Variants in MAN2A1 observed in about 807,000 individuals in gnomAD.
MAN2A1 encodes the protein alpha-mannosidase 2.
MAN2A1 carries 76 observed loss-of-function variants against 142.6 expected under a neutral mutation model. The ratio of observed to expected loss-of-function variants is 0.53; its 90% CI spans 0.44 to 0.65. MAN2A1 has a LOEUF of 0.65. MAN2A1 is among the 30% of genes least tolerant of loss of function. MAN2A1 has a pLI of 0.00. For missense variants in MAN2A1, 1,311 were observed against 1,365.1 expected (o/e 0.96, Z 0.62); for synonymous variants, 559 against 473.2 (o/e 1.18, Z -2.35).
At chr5:109,817,936 A>C (rs962474589) in intron 13 of MAN2A1, among the ~76,000 whole-genome samples, 2 of 152,170 alleles carry the variant, frequency 1.3e-5, no homozygotes, top group Admixed American at 1.3e-4. Flanking sequence ...TAATTGTGGA[A>C]AATCTGTGCT....
chr5:109,858,722 C>T (rs532909499), intron 20 of MAN2A1, among the ~76,000 whole-genome samples: 5 of 152,348 alleles, frequency 3.3e-5, no homozygotes, highest in Admixed American at 1.3e-4. Context: ...ATGATAAGGA[C>T]GCATGTCTTC....
chr5:109,726,478 T>A (rs1751748938), intron 3 of MAN2A1, among the ~76,000 whole-genome samples: 1 of 152,210 alleles, frequency 6.6e-6, no homozygotes, highest in African/African-American at 2.4e-5. Context: ...GATATCAGTA[T>A]GAGTTTTATG....
At chr5:109,808,852 C>T (rs768144351) in intron 12 of MAN2A1, among the ~76,000 whole-genome samples, 9 of 151,874 alleles carry the variant, frequency 5.9e-5, no homozygotes, top group Non-Finnish European at 1.3e-4. Flanking sequence ...TACACACACG[C>T]ACCACCATGC....
At chr5:109,801,951 C>CTTT in intron 12 of MAN2A1, among the ~76,000 whole-genome samples, 1 of 152,054 alleles carries the variant, frequency 6.6e-6, no homozygotes, top group Admixed American at 6.6e-5. Flanking sequence ...TATTCTTAAA[C>CTTT]ATTTCCTGTT....
intron 8 of MAN2A1, among the ~76,000 whole-genome samples, chr5:109,780,397 C>T (rs1753423215): frequency 6.6e-6 from 1 of 151,952 alleles, no homozygotes; most frequent in African/African-American, 2.4e-5. Context: ...TTCACTGTAA[C>T]GTGGATAGAC....
chr5:109,778,534 A>G (rs1434736520), intron 8 of MAN2A1, among the ~76,000 whole-genome samples: 5 of 152,022 alleles, frequency 3.3e-5, no homozygotes, highest in Admixed American at 3.3e-4. Context: ...TCATTTACAG[A>G]GTGTTTTTTC....
intron 19 of MAN2A1, among the ~76,000 whole-genome samples, chr5:109,848,206 C>G (rs1335340976): frequency 6.6e-6 from 1 of 152,106 alleles, no homozygotes; most frequent in Non-Finnish European, 1.5e-5. Flanking sequence ...TTATTCTAGT[C>G]TTAGACTCTT....
chr5:109,754,509 A>G (rs1469535395), intron 4 of MAN2A1, among the ~76,000 whole-genome samples: 1 of 152,190 alleles, frequency 6.6e-6, no homozygotes, highest in Non-Finnish European at 1.5e-5. Context: ...GGTATTTACT[A>G]GCTTTACCCT....
intron 20 of MAN2A1, among the ~76,000 whole-genome samples, chr5:109,859,627 T>C (rs1276870597): frequency 3.3e-5 from 5 of 152,174 alleles, no homozygotes; most frequent in African/African-American, 1.2e-4. Flanking sequence ...CTAGGGAACA[T>C]GAACACCACT....
intron 20 of MAN2A1, among the ~76,000 whole-genome samples, chr5:109,858,640 C>T (rs1470120782): frequency 1.3e-5 from 2 of 152,174 alleles, no homozygotes; most frequent in Non-Finnish European, 2.9e-5. Context: ...TCTGCATTGG[C>T]CTGTATTTAA....
intron 9 of MAN2A1, 44 bp from the exon 10 acceptor site, chr5:109,784,700 A>G (rs1181200973): frequency 2.8e-6 from 4 of 1,440,840 alleles, no homozygotes; most frequent in African/African-American, 2.9e-5. Context: ...ATTATAAGCT[A>G]AAGTGTTTGT....
At chr5:109,814,535 G>C (rs1301293785) in intron 12 of MAN2A1, among the ~76,000 whole-genome samples, 2 of 152,086 alleles carry the variant, frequency 1.3e-5, no homozygotes, top group Non-Finnish European at 2.9e-5. Flanking sequence ...CTCTAATCAT[G>C]TTAAAAATTA....
At chr5:109,717,591 A>G (rs1385953059) in intron 3 of MAN2A1, among the ~76,000 whole-genome samples, 1 of 152,028 alleles carries the variant, frequency 6.6e-6, no homozygotes, top group East Asian at 1.9e-4. Flanking sequence ...CCTCATATAT[A>G]TTTTAGATTG....
intron 9 of MAN2A1, among the ~76,000 whole-genome samples, chr5:109,784,199 T>A (rs1399801270): frequency 6.6e-6 from 1 of 152,174 alleles, no homozygotes; most frequent in East Asian, 1.9e-4. Flanking sequence ...CTGTATTTGT[T>A]ATATGTTATC....
Position 109,770,510 on chromosome 5 carries a change from G to C in MAN2A1, c.1165G>C (p.Glu389Gln). Residue 389 changes from glutamate to glutamine, a missense_variant, in exon 7 of 22, where the codon GAA (glutamate) becomes CAA (glutamine). Physicochemically the swap from Glu to Gln is conservative, Grantham distance 29 (BLOSUM62 2). Transcript: ENST00000261483. Reference sequence around the variant, plus strand: ...TGGTTGTCCCTGGGGAGTCCCCCCAGAAACAATACATCCTGGAAATGTCCA... The same window carrying C: ...TGGTTGTCCCTGGGGAGTCCCCCCACAAACAATACATCCTGGAAATGTCCA... Reference protein sequence around the residue: ...RFGCPWGVPPETIHPGNVQSR... With the variant: ...RFGCPWGVPPQTIHPGNVQSR... 6.2e-7 allele frequency: 1 copy of C among 1,613,856 alleles called. No individual in the cohort carries two copies. Among genetic ancestry groups the C allele is most frequent in the South Asian group, 1.1e-5 (1 of 91,060 alleles).
intron 5 of MAN2A1, 86 bp from the exon 6 acceptor site, chr5:109,767,449 A>G: frequency 1.8e-6 from 2 of 1,089,686 alleles, no homozygotes; most frequent in East Asian, 2.5e-5. Context: ...GAGACTATAC[A>G]ATGACAATGA....
intron 5 of MAN2A1, 70 bp from the exon 6 acceptor site, chr5:109,767,465 A>C (rs1479662419): frequency 7.8e-7 from 1 of 1,275,626 alleles, no homozygotes; most frequent in South Asian, 1.4e-5. Flanking sequence ...AATGAGTCTG[A>C]ATGTGTTGTG....
In MAN2A1 at chr5:109,742,468, A is replaced by G. The variant is rs1408049173; in HGVS notation, c.708-12861A>G. 2.0e-5 allele frequency among the ~76,000 whole-genome samples: 3 copies of G among 152,168 alleles called. No individual in the cohort carries two copies. The East Asian group carries it at 5.8e-4, about 29-fold the overall frequency. ...CTTACAATTTTTCCCCTAGGTTTAT[A>G]TTTAAGTGAACCTTCCACTGTCTTC... On this transcript the variant is annotated intron_variant, in intron 4 of 21. Coordinates refer to ENST00000261483, the MANE Select transcript of MAN2A1 (RefSeq NM_002372.4).
intron 20 of MAN2A1, chr5:109,862,494 A>C (rs767564649): frequency 6.6e-6 from 1 of 152,218 alleles, no homozygotes; most frequent in Non-Finnish European, 1.5e-5. Flanking sequence ...AGTGCTTGGC[A>C]CAATTTCAAA....
Sources: gnomAD v4.1 joint callset for allele counts (sites outside exome capture counted in the v4.1 genomes callset) on GRCh38, gnomAD v4.1.1 for gene constraint, MANE v1.5 for transcripts, NCBI Gene and HGNC (gene_info 2026-07-23, HGNC 2026-07-21) for gene names.